HUWE1: variants seen among roughly 807,000 people sequenced by gnomAD.
HUWE1 encodes the protein E3 ubiquitin-protein ligase HUWE1.
A neutral mutation model predicts 299.4 loss-of-function variants in HUWE1; 18 were observed. That is an observed-to-expected ratio of 0.06 (90% CI 0.04 to 0.09). The LOEUF is 0.09. Ranked by LOEUF, HUWE1 falls within the 10% of genes least tolerant of loss-of-function variation. HUWE1 has a pLI of 1.00. For missense variants in HUWE1, 1,832 were observed against 3,462.3 expected (o/e 0.53, Z 11.82); for synonymous variants, 1,317 against 1,286.1 (o/e 1.02, Z -0.51).
chrX:53,637,398 G>A (rs782200362), intron 7 of HUWE1, among the ~76,000 whole-genome samples: 1 of 112,635 alleles, frequency 8.9e-6, no homozygotes, highest in African/African-American at 3.2e-5. Context: ...AAACCATAAA[G>A]TAAGGATGAG....
chrX:53,607,420 T>C (rs1034992394), intron 25 of HUWE1, 103 bp downstream of exon 25: 3 of 681,927 alleles, frequency 4.4e-6, no homozygotes. Flanking sequence ...ATTTATTCAT[T>C]ATTTTTTAGT....
chrX:53,667,879 A>G (rs1290770807), intron 3 of HUWE1, among the ~76,000 whole-genome samples: 2 of 111,711 alleles, frequency 1.8e-5, no homozygotes, highest in African/African-American at 6.5e-5. Flanking sequence ...AAAAGGATCT[A>G]TGACCTGAAG....
chrX:53,559,112 T>G lies in HUWE1; in HGVS notation c.7916-52A>C, dbSNP rs185822455. The G allele has an allele frequency of 5.3e-5, 53 of 1,001,054 alleles. No individual in the cohort carries two copies. In the African/African-American group the frequency reaches 9.1e-4, roughly 17 times the overall value. The allele number at this position is 1,001,054 out of a possible 1,213,427, so 82.5% of individuals were successfully genotyped here. A position where few individuals can be genotyped will look rare whatever the true frequency, so the allele number is the denominator to read the frequency against. On this transcript the variant is annotated intron_variant, in intron 57 of 83. Transcript: ENST00000262854. ...ATTCTTGGCCTTGTCAAGCATTAAC[T>G]GATCCACCGATCCAAAAATTGCAGT... is the stretch of plus-strand genomic sequence containing the variant.
chrX:53,581,100 A>G, intron 42 of HUWE1, 74 bp from the exon 43 acceptor site: 1 of 856,670 alleles, frequency 1.2e-6, no homozygotes, highest in Non-Finnish European at 1.7e-6. Flanking sequence ...AAGAGTTACC[A>G]AGACTAAAAG....
chrX:53,543,179 G>A (rs187348495), intron 73 of HUWE1, among the ~76,000 whole-genome samples: 26 of 110,147 alleles, frequency 2.4e-4, no homozygotes, highest in African/African-American at 8.6e-4. Context: ...AAGAAATATC[G>A]GGTCTTAGGA....
intron 49 of HUWE1, among the ~76,000 whole-genome samples, chrX:53,568,048 G>T (rs1272430968): frequency 8.9e-6 from 1 of 111,735 alleles, no homozygotes; most frequent in Non-Finnish European, 1.9e-5. Context: ...CTGGAATCAT[G>T]AACAACAAAA....
chrX:53,654,464 T>C (rs1283807941), intron 3 of HUWE1, among the ~76,000 whole-genome samples: 1 of 111,264 alleles, frequency 9.0e-6, no homozygotes, highest in East Asian at 2.8e-4. Flanking sequence ...GATGGAAAAA[T>C]TCACCATAGC....
rs782437558 is a variant in HUWE1, at chrX:53,580,792, C to T, written c.5716+39G>A. 3 of 1,180,716 alleles carry T rather than the reference C, an allele frequency of 2.5e-6. No homozygotes were observed. The South Asian group carries it at 5.4e-5, about 21-fold the overall frequency. On this transcript the variant is annotated intron_variant, in intron 43 of 83. Coordinates refer to ENST00000262854, the MANE Select transcript of HUWE1 (RefSeq NM_031407.7). ...AAATTTCTGGATTTATACCAGGCCA[C>T]AAACTTAATATCAAAGGCCAGGAGC...
chrX:53,586,487 C>T lies in HUWE1; in HGVS notation c.4824+3G>A, dbSNP rs1168856558. 3 of 1,184,261 alleles carry T rather than the reference C, an allele frequency of 2.5e-6. No homozygotes were observed. In the African/African-American group the frequency reaches 5.3e-5, roughly 21 times the overall value. On this transcript the variant is annotated splice_donor_region_variant and intron_variant, in intron 39 of 83. Coordinates refer to ENST00000262854, the MANE Select transcript of HUWE1 (RefSeq NM_031407.7). The stretch of plus-strand genomic sequence containing the variant: ...CTGCAGTCATACATACTACATTACA[C>T]ACCTTAGTCATCTGGGCTCTCCTTT...
At chrX:53,628,365 A>C in intron 15 of HUWE1, 128 bp downstream of exon 15, 2 of 728,424 alleles carry the variant, frequency 2.7e-6, no homozygotes, top group Non-Finnish European at 4.0e-6. Context: ...CTACTTAAGT[A>C]TAACTTTTTC....
At chrX:53,683,318 G>C (rs1223735236) in intron 2 of HUWE1, among the ~76,000 whole-genome samples, 1 of 111,092 alleles carries the variant, frequency 9.0e-6, no homozygotes, top group African/African-American at 3.3e-5. Context: ...ACTACTGCTT[G>C]AACCCTAAGC....
chrX:53,556,628 A>T (rs1329201776), intron 60 of HUWE1, among the ~76,000 whole-genome samples: 1 of 111,850 alleles, frequency 8.9e-6, no homozygotes. Flanking sequence ...ATCAGAGGGA[A>T]TAGGAAACAT....
chrX:53,650,316 T>C (rs1486266616), intron 4 of HUWE1, among the ~76,000 whole-genome samples: 4 of 112,073 alleles, frequency 3.6e-5, no homozygotes, highest in Non-Finnish European at 7.5e-5. Context: ...CCTCTCACTT[T>C]AGAAGGGATA....
intron 2 of HUWE1, among the ~76,000 whole-genome samples, chrX:53,681,760 A>C (rs1042862191): frequency 1.8e-5 from 2 of 112,350 alleles, no homozygotes; most frequent in Non-Finnish European, 3.8e-5. Flanking sequence ...AATGCATGAC[A>C]CCAAATTACT....
intron 73 of HUWE1, among the ~76,000 whole-genome samples, chrX:53,543,450 A>G (rs999966661): frequency 1.8e-5 from 2 of 110,807 alleles, no homozygotes; most frequent in Non-Finnish European, 3.8e-5. Flanking sequence ...GCTGTGTGGG[A>G]TATGTACCAA....
intron 47 of HUWE1, among the ~76,000 whole-genome samples, chrX:53,573,446 G>A (rs1320475987): frequency 8.9e-6 from 1 of 111,931 alleles, no homozygotes; most frequent in Non-Finnish European, 1.9e-5. Context: ...TGGAATTACA[G>A]GTGCCCGCCA....
chrX:53,576,139 T>C (rs1252665961), intron 44 of HUWE1, among the ~76,000 whole-genome samples: 1 of 111,820 alleles, frequency 8.9e-6, no homozygotes, highest in Non-Finnish European at 1.9e-5. Flanking sequence ...TCTGGGGTGA[T>C]AGGAGAACCA....
intron 23 of HUWE1, among the ~76,000 whole-genome samples, chrX:53,609,348 T>A (rs958539711): frequency 2.7e-5 from 3 of 112,404 alleles, no homozygotes; most frequent in African/African-American, 9.7e-5. Context: ...ATTAAAAGAC[T>A]CAACATTTGC....
At chrX:53,612,694 A>AAACC (rs1233977190) in intron 23 of HUWE1, among the ~76,000 whole-genome samples, 46 of 111,819 alleles carry the variant, frequency 4.1e-4, no homozygotes, top group Admixed American at 8.5e-4. Context: ...TGGAGGTAAA[A>AAACC]AACCAACCAA....
Sources: gnomAD v4.1 joint callset for allele counts (sites outside exome capture counted in the v4.1 genomes callset) on GRCh38, gnomAD v4.1.1 for gene constraint, MANE v1.5 for transcripts, NCBI Gene and HGNC (gene_info 2026-07-23, HGNC 2026-07-21) for gene names.